ZNF385B: variants seen among roughly 807,000 people sequenced by gnomAD.
ZNF385B encodes the protein zinc finger protein 385B, also known as zinc finger protein 533.
ZNF385B carries 23 observed loss-of-function variants against 39.2 expected under a neutral mutation model. The ratio of observed to expected loss-of-function variants is 0.59; its 90% CI spans 0.42 to 0.83. ZNF385B has a LOEUF of 0.83. Among genes scored for constraint, ZNF385B ranks in the 40% least tolerant of loss-of-function variants. The pLI is 0.00. For synonymous variants in ZNF385B, 205 were observed against 222.6 expected (o/e 0.92, Z 0.70); for missense variants, 552 against 598.9 (o/e 0.92, Z 0.82).
chr2:179,792,829 G>C (rs891203617), intron 1 of ZNF385B, among the ~76,000 whole-genome samples: 44 of 152,194 alleles, frequency 2.9e-4, no homozygotes, highest in African/African-American at 1.1e-3. Flanking sequence ...GGAAGGGAAA[G>C]GGAAAGGGAA....
At chr2:179,860,047 T>C (rs563242410) in intron 1 of ZNF385B, among the ~76,000 whole-genome samples, 40 of 152,314 alleles carry the variant, frequency 2.6e-4, no homozygotes, top group Admixed American at 1.1e-3. Flanking sequence ...TTTCCACGCT[T>C]TAGGCTAGGC....
chr2:179,562,450 C>G lies in ZNF385B; in HGVS notation c.299-17481G>C, dbSNP rs532733547. 4.1e-6 allele frequency: 4 copies of G among 985,248 alleles called. No individual in the cohort carries two copies. The African/African-American group carries it at 7.0e-5, about 17-fold the overall frequency. 61.0% of individuals were successfully genotyped at this position (985,248 alleles called of 1,614,324 possible). On this transcript the variant is annotated intron_variant, in intron 3 of 9. Coordinates refer to ENST00000410066, the MANE Select transcript of ZNF385B (RefSeq NM_152520.6). ...TTCACGTCTGCATTTGAGCACTGTA[C>G]GAGATGTTACATTTAAAAGTAAATA...
chr2:179,783,653 T>G (rs1168516075), intron 1 of ZNF385B, among the ~76,000 whole-genome samples: 2 of 151,388 alleles, frequency 1.3e-5, no homozygotes, highest in African/African-American at 4.9e-5. Context: ...ACAACTCCAT[T>G]AAAAGTGGGC....
At chr2:179,803,632 C>T (rs569576997) in intron 1 of ZNF385B, among the ~76,000 whole-genome samples, 1 of 152,220 alleles carries the variant, frequency 6.6e-6, no homozygotes, top group Non-Finnish European at 1.5e-5. Context: ...CTATGACCAA[C>T]ATACATGTTA....
intron 3 of ZNF385B, among the ~76,000 whole-genome samples, chr2:179,551,507 T>C (rs557223635): frequency 6.9e-6 from 1 of 145,400 alleles, no homozygotes; most frequent in Non-Finnish European, 1.5e-5. Flanking sequence ...ACCTAAGATC[T>C]CATTATACTC....
intron 1 of ZNF385B, among the ~76,000 whole-genome samples, chr2:179,810,371 A>G (rs1241288898): frequency 6.6e-6 from 1 of 151,952 alleles, no homozygotes; most frequent in Non-Finnish European, 1.5e-5. Flanking sequence ...AATAAACAAG[A>G]AAGTTTGTTG....
At chr2:179,506,051 T>C (rs2057228173) in intron 5 of ZNF385B, among the ~76,000 whole-genome samples, 1 of 152,106 alleles carries the variant, frequency 6.6e-6, no homozygotes, top group Non-Finnish European at 1.5e-5. Context: ...TACAGAGAAC[T>C]TGTAGTTACA....
intron 5 of ZNF385B, among the ~76,000 whole-genome samples, chr2:179,495,848 T>G (rs1481723775): frequency 7.9e-5 from 12 of 152,130 alleles, no homozygotes; most frequent in Admixed American, 7.9e-4. Context: ...ACCCAAGTCC[T>G]TTCAAATATC....
chr2:179,835,160 T>C (rs1708179763), intron 1 of ZNF385B, among the ~76,000 whole-genome samples: 1 of 152,194 alleles, frequency 6.6e-6, no homozygotes. Context: ...GGATACACAC[T>C]GAAGTATTTA....
At chr2:179,508,477 A>G (rs1373594375) in intron 5 of ZNF385B, among the ~76,000 whole-genome samples, 1 of 152,212 alleles carries the variant, frequency 6.6e-6, no homozygotes, top group Non-Finnish European at 1.5e-5. Context: ...TTGGCTGAGA[A>G]AGGTCACTGA....
intron 5 of ZNF385B, among the ~76,000 whole-genome samples, chr2:179,493,610 TAC>T (rs1321210472): frequency 4.8e-4 from 43 of 89,652 alleles, no homozygotes; most frequent in African/African-American, 8.6e-4. Context: ...TACATATATG[TAC>T]GTACATATAT....
At chr2:179,738,826 C>T (rs888523528) in intron 3 of ZNF385B, among the ~76,000 whole-genome samples, 1 of 152,062 alleles carries the variant, frequency 6.6e-6, no homozygotes. Context: ...ATGTTCTCAC[C>T]AAGTCATTGC....
At chr2:179,493,797 A>ATATGTATATGCATATATGTATACATG (rs2055824974) in intron 5 of ZNF385B, among the ~76,000 whole-genome samples, 1 of 110,858 alleles carries the variant, frequency 9.0e-6, no homozygotes, top group African/African-American at 3.1e-5. Flanking sequence ...ATGTATACAT[A>ATATGTATATGCATATATGTATACATG]TATGTATATA....
intron 3 of ZNF385B, among the ~76,000 whole-genome samples, chr2:179,619,617 CTAAA>C: frequency 6.6e-6 from 1 of 152,282 alleles, no homozygotes; most frequent in Non-Finnish European, 1.5e-5. Flanking sequence ...AGTAATCACT[CTAAA>C]TATTAACACA....
At chr2:179,756,804 T>G (rs1703055447) in intron 3 of ZNF385B, among the ~76,000 whole-genome samples, 1 of 152,244 alleles carries the variant, frequency 6.6e-6, no homozygotes, top group Non-Finnish European at 1.5e-5. Flanking sequence ...GCCATGGTTT[T>G]CAGCTCCATC....
chr2:179,786,113 G>A (rs568833830), intron 1 of ZNF385B, among the ~76,000 whole-genome samples: 1 of 152,212 alleles, frequency 6.6e-6, no homozygotes, highest in South Asian at 2.1e-4. Flanking sequence ...ACTCACTGAA[G>A]GCTCAGATGA....
chr2:179,605,504 A>G (rs563697364), intron 3 of ZNF385B, among the ~76,000 whole-genome samples: 1 of 152,292 alleles, frequency 6.6e-6, no homozygotes, highest in Non-Finnish European at 1.5e-5. Context: ...GGTGGGATCT[A>G]AAAACTCATT....
At chr2:179,546,146 C>T (rs1445025781) in intron 3 of ZNF385B, among the ~76,000 whole-genome samples, 2 of 152,242 alleles carry the variant, frequency 1.3e-5, no homozygotes, top group East Asian at 3.9e-4. Flanking sequence ...GGTGAGCCCC[C>T]AACTTCAGTC....
At chr2:179,706,487 T>A (rs184485878) in intron 3 of ZNF385B, among the ~76,000 whole-genome samples, 52 of 152,010 alleles carry the variant, frequency 3.4e-4, no homozygotes, top group Admixed American at 2.9e-3. Flanking sequence ...GATGATGGGA[T>A]TGGGGAAGGG....
Sources: allele counts gnomAD v4.1 joint callset (sites outside exome capture counted in the v4.1 genomes callset), GRCh38; gene constraint gnomAD v4.1.1; transcripts MANE v1.5; gene names NCBI Gene and HGNC (gene_info 2026-07-23, HGNC 2026-07-21).